LRMDA: variants seen among roughly 807,000 people sequenced by gnomAD.
The protein encoded by LRMDA is leucine rich melanocyte differentiation associated, also known as leucine-rich melanocyte differentiation-associated protein.
A neutral mutation model predicts 29.8 loss-of-function variants in LRMDA; 18 were observed. That is an observed-to-expected ratio of 0.60 (90% CI 0.42 to 0.90). LRMDA has a LOEUF of 0.90. Ranked by LOEUF, LRMDA falls within the 40% of genes least tolerant of loss-of-function variation. The probability of loss-of-function intolerance (pLI) is 0.00; values close to 1 mark genes in which losing one functional copy is unlikely to be tolerated. For synonymous variants in LRMDA, 125 were observed against 109.4 expected, an observed-to-expected ratio of 1.14 and a Z score of -0.89; for missense variants, 273 against 273.9, an observed-to-expected ratio of 1.00 and a Z score of 0.02.
intron 6 of LRMDA, among the ~76,000 whole-genome samples, chr10:76,473,096 A>G (rs1323153087): frequency 3.3e-5 from 5 of 151,766 alleles, no homozygotes; most frequent in African/African-American, 1.2e-4. Context: ...ATTTCGTGAA[A>G]TGAAAAATCC....
intron 2 of LRMDA, among the ~76,000 whole-genome samples, chr10:75,622,989 A>C (rs1352503829): frequency 6.6e-6 from 1 of 152,234 alleles, no homozygotes; most frequent in Non-Finnish European, 1.5e-5. Context: ...AATATTAATT[A>C]AGCCGTAATT....
At chr10:76,264,656 C>T (rs1312911) in intron 5 of LRMDA, among the ~76,000 whole-genome samples, 86,095 of 151,764 alleles carry the variant, frequency 0.57, 25,591 homozygotes, top group East Asian at 0.79. Context: ...TCTCATCTCT[C>T]GTCTGTTTTA....
At chr10:76,206,363 T>G (rs1266962778) in intron 5 of LRMDA, among the ~76,000 whole-genome samples, 2 of 152,186 alleles carry the variant, frequency 1.3e-5, no homozygotes, top group African/African-American at 4.8e-5. Context: ...TGGGAAACAT[T>G]CCTCATTTTC....
chr10:76,044,897 C>T (rs1848405071), intron 3 of LRMDA, among the ~76,000 whole-genome samples: 2 of 152,198 alleles, frequency 1.3e-5, no homozygotes, highest in Admixed American at 6.5e-5. Flanking sequence ...CTAGTTTCCC[C>T]TCTTGCTAGT....
At chr10:75,731,072 G>T (rs958246195) in intron 2 of LRMDA, among the ~76,000 whole-genome samples, 1 of 152,172 alleles carries the variant, frequency 6.6e-6, no homozygotes, top group Non-Finnish European at 1.5e-5. Flanking sequence ...CATGTACATT[G>T]CTGGTGTCTG....
At chr10:75,884,055 A>T (rs1430170934) in intron 2 of LRMDA, among the ~76,000 whole-genome samples, 2 of 151,688 alleles carry the variant, frequency 1.3e-5, no homozygotes, top group Non-Finnish European at 2.9e-5. Context: ...GGCTAAATTG[A>T]TGGTCTGTTT....
At chr10:75,619,614 G>A (rs781078173) in intron 2 of LRMDA, among the ~76,000 whole-genome samples, 1 of 152,122 alleles carries the variant, frequency 6.6e-6, no homozygotes, top group Admixed American at 6.5e-5. Flanking sequence ...TGTATTTCTA[G>A]CTCATTTTCT....
intron 6 of LRMDA, among the ~76,000 whole-genome samples, chr10:76,418,414 CA>C (rs1842040631): frequency 6.6e-6 from 1 of 151,424 alleles, no homozygotes; most frequent in Non-Finnish European, 1.5e-5. Flanking sequence ...TATGATTTTT[CA>C]AAATAGTATG....
chr10:75,556,273 A>G (rs1840212514), intron 2 of LRMDA, among the ~76,000 whole-genome samples: 1 of 152,208 alleles, frequency 6.6e-6, no homozygotes, highest in Non-Finnish European at 1.5e-5. Context: ...AAAAAGTTGC[A>G]CATTGCATCC....
At chr10:76,240,738 A>G (rs1383455374) in intron 5 of LRMDA, among the ~76,000 whole-genome samples, 3 of 150,944 alleles carry the variant, frequency 2.0e-5, no homozygotes, top group Admixed American at 6.6e-5. Flanking sequence ...ATGCCCATTA[A>G]TCAATGAGTG....
intron 2 of LRMDA, among the ~76,000 whole-genome samples, chr10:75,496,658 A>G (rs559423495): frequency 5.0e-4 from 76 of 152,208 alleles, no homozygotes; most frequent in African/African-American, 1.8e-3. Context: ...AGGCGCTTTT[A>G]CAACTAGAAA....
At chr10:76,240,617 C>T (rs993410534) in intron 5 of LRMDA, among the ~76,000 whole-genome samples, 3 of 150,668 alleles carry the variant, frequency 2.0e-5, no homozygotes, top group African/African-American at 7.3e-5. Flanking sequence ...CCAGCAATCC[C>T]ACTCCTGGGT....
At chr10:76,344,529 C>T (rs1323427738) in intron 6 of LRMDA, among the ~76,000 whole-genome samples, 1 of 151,700 alleles carries the variant, frequency 6.6e-6, no homozygotes, top group African/African-American at 2.4e-5. Flanking sequence ...CCGTTTTAAA[C>T]TAGAAAAACT....
intron 2 of LRMDA, among the ~76,000 whole-genome samples, chr10:75,737,280 TC>T (rs1842777601): frequency 1.3e-5 from 2 of 152,176 alleles, no homozygotes; most frequent in Non-Finnish European, 2.9e-5. Flanking sequence ...CAAAACTCTC[TC>T]AGTAAAGTAA....
chr10:76,000,931 C>G (rs1847552157), intron 2 of LRMDA, among the ~76,000 whole-genome samples: 1 of 152,162 alleles, frequency 6.6e-6, no homozygotes, highest in African/African-American at 2.4e-5. Flanking sequence ...CATTAGAAAA[C>G]AAGGACTTAT....
intron 2 of LRMDA, among the ~76,000 whole-genome samples, chr10:75,639,159 G>A (rs1308766090): frequency 6.6e-6 from 1 of 152,204 alleles, no homozygotes. Context: ...TTCCCCACCT[G>A]TGATACGTAA....
chr10:75,694,350 A>G (rs1183581775), intron 2 of LRMDA, among the ~76,000 whole-genome samples: 1 of 152,220 alleles, frequency 6.6e-6, no homozygotes, highest in Admixed American at 6.5e-5. Context: ...CATTTGGTAT[A>G]TGGAGTCATT....
chr10:76,316,033 CCTGGA>C (rs1351499106), intron 5 of LRMDA, among the ~76,000 whole-genome samples: 1 of 152,178 alleles, frequency 6.6e-6, no homozygotes, highest in Non-Finnish European at 1.5e-5. Context: ...CCTCATTCTT[CCTGGA>C]TGCAGGACAG....
At position 76,197,442 on chromosome 10, in the gene LRMDA, G is replaced by T. The variant is rs149926915; in HGVS notation, c.517-126959G>T. 2.8e-3 allele frequency among the ~76,000 whole-genome samples: 420 copies of T among 152,282 alleles called. 2 individuals are homozygous for T. Among genetic ancestry groups the T allele is most frequent in the African/African-American group, 9.6e-3 (401 of 41,566 alleles). On this transcript the variant is annotated intron_variant, in intron 5 of 6. Coordinates refer to ENST00000611255, the MANE Select transcript of LRMDA (RefSeq NM_001305581.2). ...AAACTAGCGGTTATCTAAACCAGTGGTTCTCAAGTGGGGGTGATTTTTATC... is the reference window on the plus strand; with the variant it reads ...AAACTAGCGGTTATCTAAACCAGTGTTTCTCAAGTGGGGGTGATTTTTATC...
Sources: allele counts gnomAD v4.1 joint callset (sites outside exome capture counted in the v4.1 genomes callset), GRCh38; gene constraint gnomAD v4.1.1; transcripts MANE v1.5; gene names NCBI Gene and HGNC (gene_info 2026-07-23, HGNC 2026-07-21).